The following DLG2 variants were observed in gnomAD, a reference collection of about 807,000 sequenced individuals.
DLG2 encodes the protein disks large homolog 2.
Under a neutral mutation model 132.5 loss-of-function variants are expected in DLG2, and 45 were observed. The ratio of observed to expected loss-of-function variants is 0.34; its 90% confidence interval spans 0.27 to 0.44. The LOEUF (loss-of-function observed/expected upper bound fraction) is 0.44, where lower values mean the gene tolerates loss of function less well. Ranked by LOEUF, DLG2 falls within the 20% of genes least tolerant of loss-of-function variation. The pLI is 1.00. For missense variants in DLG2, 1,045 were observed against 1,196.9 expected (o/e 0.87, Z 1.87); for synonymous variants, 424 against 419.6 (o/e 1.01, Z -0.13).
At chr11:85,489,885 A>AG (rs1311415200) in intron 3 of DLG2, among the ~76,000 whole-genome samples, 1 of 5,830 alleles carries the variant, frequency 1.7e-4, no homozygotes, top group Non-Finnish European at 2.0e-3. Context: ...AAGGACATGC[A>AG]AAAAATGAGT....
At chr11:84,939,089 A>C (rs2049080272) in intron 6 of DLG2, among the ~76,000 whole-genome samples, 1 of 152,124 alleles carries the variant, frequency 6.6e-6, no homozygotes, top group Admixed American at 6.6e-5. Flanking sequence ...TTTAATGATT[A>C]CTTATTAAAA....
intron 6 of DLG2, chr11:85,021,759 C>T (rs775784227): frequency 1.4e-5 from 8 of 590,622 alleles, no homozygotes; most frequent in Non-Finnish European, 2.1e-5. Context: ...GAGTCTCCTA[C>T]TCCTGGGTTC....
chr11:83,678,424 T>G (rs1280604177), intron 18 of DLG2, among the ~76,000 whole-genome samples: 1 of 152,146 alleles, frequency 6.6e-6, no homozygotes, highest in Non-Finnish European at 1.5e-5. Context: ...CTTCTTCTTT[T>G]TCATAGTTTC....
At chr11:84,284,683 GTC>G (rs1038096606) in intron 7 of DLG2, among the ~76,000 whole-genome samples, 2 of 152,184 alleles carry the variant, frequency 1.3e-5, no homozygotes, top group African/African-American at 4.8e-5. Flanking sequence ...GATGAAGTGT[GTC>G]TTCACCATCT....
intron 6 of DLG2, among the ~76,000 whole-genome samples, chr11:85,075,150 C>T (rs2066359870): frequency 6.6e-6 from 1 of 151,860 alleles, no homozygotes; most frequent in Non-Finnish European, 1.5e-5. Context: ...AAATTAAAAA[C>T]TTGTATAGCA....
At chr11:84,778,775 A>C (rs985594775) in intron 6 of DLG2, among the ~76,000 whole-genome samples, 8 of 152,154 alleles carry the variant, frequency 5.3e-5, no homozygotes, top group Non-Finnish European at 1.2e-4. Flanking sequence ...GAACTGAGAG[A>C]GGAAGACTCA....
At chr11:85,015,145 T>C (rs1188139920) in intron 6 of DLG2, among the ~76,000 whole-genome samples, 1 of 152,164 alleles carries the variant, frequency 6.6e-6, no homozygotes, top group East Asian at 1.9e-4. Flanking sequence ...GATGCCAAAA[T>C]TGTGTGCAAT....
chr11:85,451,922 A>T, intron 3 of DLG2, among the ~76,000 whole-genome samples: 1 of 152,244 alleles, frequency 6.6e-6, no homozygotes, highest in Non-Finnish European at 1.5e-5. Flanking sequence ...TTCCTTTTAT[A>T]TTCTATAAAC....
intron 4 of DLG2, among the ~76,000 whole-genome samples, chr11:85,178,388 T>A (rs1329914496): frequency 1.3e-5 from 2 of 152,036 alleles, no homozygotes; most frequent in Non-Finnish European, 2.9e-5. Flanking sequence ...GGTTATTTTT[T>A]ACTATTTTTG....
intron 7 of DLG2, among the ~76,000 whole-genome samples, chr11:84,498,105 C>G (rs2099190456): frequency 1.3e-5 from 2 of 152,152 alleles, no homozygotes; most frequent in Non-Finnish European, 2.9e-5. Context: ...GCCTATCTAT[C>G]CATGTAGTGT....
chr11:84,252,140 C>CTTTTTTTTTTTTTTTT (rs1176873990), intron 7 of DLG2, among the ~76,000 whole-genome samples: 12 of 65,358 alleles, frequency 1.8e-4, no homozygotes, highest in African/African-American at 2.1e-4. Flanking sequence ...TTCTTTCTTT[C>CTTTTTTTTTTTTTTTT]TTTTTTTTTT....
intron 6 of DLG2, among the ~76,000 whole-genome samples, chr11:84,986,207 T>C (rs914505349): frequency 6.6e-6 from 1 of 151,956 alleles, no homozygotes; most frequent in Non-Finnish European, 1.5e-5. Context: ...AACCTAGAGA[T>C]GGATAAATTC....
chr11:85,467,237 C>A (rs975077641), intron 3 of DLG2, among the ~76,000 whole-genome samples: 1 of 152,196 alleles, frequency 6.6e-6, no homozygotes, highest in Admixed American at 6.5e-5. Flanking sequence ...TCTAGATATA[C>A]AATCATGTAA....
intron 8 of DLG2, among the ~76,000 whole-genome samples, chr11:84,199,038 T>C (rs2096559455): frequency 6.6e-6 from 1 of 152,126 alleles, no homozygotes; most frequent in South Asian, 2.1e-4. Context: ...TCAAGTGCAG[T>C]ATTATTTGCA....
At chr11:85,341,500 A>G (rs1205762899) in intron 3 of DLG2, among the ~76,000 whole-genome samples, 1 of 152,158 alleles carries the variant, frequency 6.6e-6, no homozygotes, top group African/African-American at 2.4e-5. Flanking sequence ...TGTGCCTCCA[A>G]TTGATTTATC....
At chr11:84,218,506 C>T (rs966749451) in intron 8 of DLG2, among the ~76,000 whole-genome samples, 3 of 152,084 alleles carry the variant, frequency 2.0e-5, no homozygotes, top group Non-Finnish European at 4.4e-5. Flanking sequence ...GTGATAGGTT[C>T]ATGACATTGG....
chr11:85,456,771 C>T (rs185209859), intron 3 of DLG2, among the ~76,000 whole-genome samples: 32 of 152,000 alleles, frequency 2.1e-4, no homozygotes, highest in South Asian at 1.4e-3. Flanking sequence ...TGTAATTTTA[C>T]GGTTTTGAGC....
chr11:83,945,486 C>A (rs1169209110), intron 14 of DLG2, among the ~76,000 whole-genome samples: 1 of 152,150 alleles, frequency 6.6e-6, no homozygotes, highest in Non-Finnish European at 1.5e-5. Context: ...AAAATCTGAG[C>A]TCCTAAACTG....
At chr11:85,054,250 CGA>C (rs1025971482) in intron 6 of DLG2, among the ~76,000 whole-genome samples, 19 of 145,818 alleles carry the variant, frequency 1.3e-4, no homozygotes, top group African/African-American at 4.8e-4. Context: ...GGCGACAGAA[CGA>C]GATTCCACCT....
Sources: gnomAD v4.1 joint callset for allele counts (sites outside exome capture counted in the v4.1 genomes callset) on GRCh38, gnomAD v4.1.1 for gene constraint, MANE v1.5 for transcripts, NCBI Gene and HGNC (gene_info 2026-07-23, HGNC 2026-07-21) for gene names.